Variants in POU2F3 observed in about 807,000 individuals in gnomAD.
The protein encoded by POU2F3 is POU class 2 homeobox 3.
Under a neutral mutation model 59.2 loss-of-function variants are expected in POU2F3, and 23 were observed. The ratio of observed to expected loss-of-function variants is 0.39; its 90% CI spans 0.28 to 0.55. POU2F3 has a LOEUF of 0.55. POU2F3 is among the 20% of genes least tolerant of loss of function. POU2F3 has a pLI of 0.66. For synonymous variants in POU2F3, 190 were observed against 214.6 expected (o/e 0.89, Z 1.00); for missense variants, 473 against 544.5 (o/e 0.87, Z 1.31).
intron 1 of POU2F3, among the ~76,000 whole-genome samples, chr11:120,244,977 G>A (rs768206513): frequency 5.9e-5 from 9 of 152,102 alleles, no homozygotes; most frequent in Non-Finnish European, 1.2e-4. Context: ...TAAGGTTGCA[G>A]GTCTTCCTCA....
At chr11:120,293,142 C>T (rs993915463) in intron 3 of POU2F3, among the ~76,000 whole-genome samples, 5 of 152,148 alleles carry the variant, frequency 3.3e-5, no homozygotes, top group African/African-American at 1.2e-4. Flanking sequence ...AAGTTTGATG[C>T]TCTCAGGGTG....
chr11:120,318,274 C>A, intron 12 of POU2F3, 79 bp from the exon 13 acceptor site: 1 of 1,386,946 alleles, frequency 7.2e-7, no homozygotes, highest in Non-Finnish European at 1.0e-6. Flanking sequence ...AGCCCCTGTA[C>A]CTGCTAGCAG....
At chr11:120,303,582 T>G (rs1447568554) in intron 6 of POU2F3, 2 of 152,118 alleles carry the variant, frequency 1.3e-5, no homozygotes, top group African/African-American at 2.4e-5. Flanking sequence ...AAAGAACAAA[T>G]GATTTAATGA....
At chr11:120,237,537 CCT>C (rs1938533495), upstream of POU2F3, among the ~76,000 whole-genome samples, 1 of 152,176 alleles carries the variant, frequency 6.6e-6, no homozygotes, top group African/African-American at 2.4e-5. Context: ...CAAATATGGG[CCT>C]CTCTGACTTT....
At chr11:120,271,166 T>A (rs1940053228) in intron 3 of POU2F3, among the ~76,000 whole-genome samples, 1 of 152,132 alleles carries the variant, frequency 6.6e-6, no homozygotes, top group Non-Finnish European at 1.5e-5. Flanking sequence ...CCAACTACCC[T>A]CCCTTTACAC....
intron 10 of POU2F3, among the ~76,000 whole-genome samples, chr11:120,312,418 C>T (rs1201023887): frequency 2.0e-5 from 3 of 151,998 alleles, no homozygotes; most frequent in South Asian, 2.1e-4. Context: ...CCACCGCACC[C>T]AGCCCAAAGG....
intron 2 of POU2F3, among the ~76,000 whole-genome samples, chr11:120,260,652 G>A (rs1200422426): frequency 6.6e-6 from 1 of 152,192 alleles, no homozygotes; most frequent in African/African-American, 2.4e-5. Flanking sequence ...ACTGCAGCTT[G>A]GCTTCTCACT....
At chr11:120,287,482 C>A (rs1940824387) in intron 3 of POU2F3, among the ~76,000 whole-genome samples, 1 of 152,184 alleles carries the variant, frequency 6.6e-6, no homozygotes, top group African/African-American at 2.4e-5. Flanking sequence ...CTCCCTGGAA[C>A]AGGTTTTCTA....
At chr11:120,287,290 A>G (rs967934743) in intron 3 of POU2F3, among the ~76,000 whole-genome samples, 2 of 152,320 alleles carry the variant, frequency 1.3e-5, no homozygotes, top group Non-Finnish European at 2.9e-5. Flanking sequence ...TCAATTTCCT[A>G]TATGCGAGGA....
At position 120,299,657 on chromosome 11, in the gene POU2F3, G is replaced by C; in HGVS notation, c.292G>C (p.Val98Leu). 6.2e-7 allele frequency: 1 copy of C among 1,613,902 alleles called. No homozygotes were observed. The highest frequency in any genetic ancestry group is 8.5e-7 in the Non-Finnish European group (1 of 1,179,988). ...MASLHPLQQL[V>L]LVPGHLQSVS... is the part of the protein sequence containing the mutation. Reference sequence around the variant, plus strand: ...TTCCCTCCATCCGCTCCAGCAGCTTGTGCTGGTTCCCGGCCACTTACAGTC... The same window carrying C: ...TTCCCTCCATCCGCTCCAGCAGCTTCTGCTGGTTCCCGGCCACTTACAGTC... The change falls in exon 5 of 13, where the codon GTG (valine) becomes CTG (leucine). Residue 98 changes from valine (V) to leucine (L), a missense_variant. By Grantham distance (32) the Val-to-Leu change is conservative. Transcript: ENST00000543440.
In POU2F3 at chr11:120,286,848, G is replaced by A. The variant is rs192338200; in HGVS notation, c.133-11417G>A. On this transcript the variant is annotated intron_variant, in intron 3 of 12. Coordinates refer to ENST00000543440, the MANE Select transcript of POU2F3 (RefSeq NM_014352.4). ...TTTTTTTTTGTGAATCTTGATGTCC[G>A]CGCAGAGTATTAGCTGGCCCTGCTC... Among the ~76,000 whole-genome samples the A allele has an allele frequency of 5.9e-4, 90 of 151,422 alleles. 1 individual carries two copies. Among genetic ancestry groups the A allele is most frequent in the Admixed American group, 1.8e-3 (28 of 15,198 alleles).
chr11:120,304,164 T>A (rs1205727720), intron 6 of POU2F3: 1 of 151,746 alleles, frequency 6.6e-6, no homozygotes, highest in African/African-American at 2.4e-5. Context: ...TGAAGCCCTG[T>A]CTCTAAAAAA....
intron 3 of POU2F3, among the ~76,000 whole-genome samples, chr11:120,282,189 A>G (rs964608454): frequency 2.6e-5 from 4 of 152,166 alleles, no homozygotes; most frequent in African/African-American, 9.7e-5. Flanking sequence ...CTCAGTCATT[A>G]CTAAAGCAGT....
At chr11:120,308,151 G>A (rs1409102241) in intron 9 of POU2F3, among the ~76,000 whole-genome samples, 1 of 152,150 alleles carries the variant, frequency 6.6e-6, no homozygotes, top group Admixed American at 6.5e-5. Context: ...TTGTGATCGT[G>A]TTATACACCT....
chr11:120,236,849 T>A, upstream of POU2F3: 1 of 774,344 alleles, frequency 1.3e-6, no homozygotes, highest in Non-Finnish European at 2.1e-6. Context: ...ACCCCAGCCT[T>A]CTAAGCCTCA....
rs1591451211 is a variant in POU2F3 at position 120,318,577 on chromosome 11, A to C, written c.*185A>C. 1 of 616,274 alleles carries C rather than the reference A, an allele frequency of 1.6e-6. No homozygotes were observed. The highest frequency in any genetic ancestry group is 2.8e-5 in the East Asian group (1 of 36,206). The allele number at this position is 616,274 out of a possible 1,614,324, so 38.2% of individuals were successfully genotyped here. A position where few individuals can be genotyped will look rare whatever the true frequency, so the allele number is the denominator to read the frequency against. ...GGAGATCCAAACTGTGATTGAACCA[A>C]GTGCAGACTCCTAATGCTCTTGAAA... On this transcript the variant is annotated 3_prime_UTR_variant, in exon 13 of 13. Transcript: ENST00000543440.
At chr11:120,242,632 C>T (rs1258936971) in intron 1 of POU2F3, among the ~76,000 whole-genome samples, 1 of 152,182 alleles carries the variant, frequency 6.6e-6, no homozygotes, top group Non-Finnish European at 1.5e-5. Context: ...CAAACTAGAG[C>T]ATAGGCTTGC....
In POU2F3 at chr11:120,240,163, G is replaced by T. The variant is rs1938598959; in HGVS notation, c.-181G>T. On this transcript the variant is annotated 5_prime_UTR_variant, in exon 1 of 13. Transcript: ENST00000543440. Reference sequence around the variant, plus strand: ...GGAGTGTGGCAATCCTGGCGGCGCCGAGTGTTGCCCGGGCCGGAGCAGCGG... The same window carrying T: ...GGAGTGTGGCAATCCTGGCGGCGCCTAGTGTTGCCCGGGCCGGAGCAGCGG... The T allele has an allele frequency of 2.5e-6, 3 of 1,211,012 alleles. No individual in the cohort carries two copies. The highest frequency in any genetic ancestry group is 4.4e-5 in the Admixed American group (1 of 22,654). 75.0% of individuals were successfully genotyped at this position (1,211,012 alleles called of 1,614,324 possible).
At chr11:120,243,411 C>G (rs1430783871) in intron 1 of POU2F3, among the ~76,000 whole-genome samples, 1 of 152,060 alleles carries the variant, frequency 6.6e-6, no homozygotes, top group Non-Finnish European at 1.5e-5. Context: ...TCACAGATGT[C>G]TAAGGAGGGC....
Sources: gnomAD v4.1 joint callset for allele counts (sites outside exome capture counted in the v4.1 genomes callset) on GRCh38, gnomAD v4.1.1 for gene constraint, MANE v1.5 for transcripts, NCBI Gene and HGNC (gene_info 2026-07-23, HGNC 2026-07-21) for gene names.